The following AUTS2 variants were observed in gnomAD, a reference collection of about 807,000 sequenced individuals.
The protein encoded by AUTS2 is autism susceptibility gene 2 protein.
Under a neutral mutation model 112.4 loss-of-function variants are expected in AUTS2, and 17 were observed. That is an observed-to-expected ratio of 0.15 (90% confidence interval 0.10 to 0.23). The LOEUF is 0.23. AUTS2 is among the 10% of genes least tolerant of loss of function. The pLI is 1.00. For synonymous variants in AUTS2, 751 were observed against 702.7 expected, an observed-to-expected ratio of 1.07 and a Z score of -1.09; for missense variants, 1,510 against 1,701.6, an observed-to-expected ratio of 0.89 and a Z score of 1.98.
chr7:70,531,083 C>T (rs1279228909), intron 5 of AUTS2, among the ~76,000 whole-genome samples: 2 of 60,962 alleles, frequency 3.3e-5, no homozygotes, highest in East Asian at 5.5e-4. Context: ...GTGATACAGC[C>T]CTTTAGAGAA....
At chr7:70,600,060 AG>A (rs1803398716) in intron 5 of AUTS2, among the ~76,000 whole-genome samples, 1 of 152,200 alleles carries the variant, frequency 6.6e-6, no homozygotes, top group Admixed American at 6.5e-5. Context: ...ATCAGAAACT[AG>A]GGTGGGGCTC....
chr7:69,962,595 A>T (rs752966934), intron 2 of AUTS2, among the ~76,000 whole-genome samples: 10 of 152,074 alleles, frequency 6.6e-5, no homozygotes, highest in Non-Finnish European at 1.5e-4. Context: ...TAAACGTCTG[A>T]GTTGTTTCAT....
rs1222832767 is a variant in AUTS2, at chr7:70,694,947, T to C, written c.691-3622T>C. ...GTTTTCTCTTCGTGTGTTTTGGTGG[T>C]TTCCCCCCTGGTCTTTGACGATCGC... On this transcript the variant is annotated intron_variant, in intron 5 of 18. Transcript: ENST00000342771. This position sits in a 1 kb window ranked among gnomAD's most constrained non-coding sequence, Gnocchi z 4.1. The C allele has an allele frequency of 6.6e-6, 1 of 152,316 alleles. No homozygotes were observed. The highest frequency in any genetic ancestry group is 1.5e-5 in the Non-Finnish European group (1 of 68,256). 9.4% of individuals were successfully genotyped at this position (152,316 alleles called of 1,614,324 possible).
At chr7:69,812,289 A>G (rs1790577206) in intron 1 of AUTS2, among the ~76,000 whole-genome samples, 1 of 152,158 alleles carries the variant, frequency 6.6e-6, no homozygotes, top group African/African-American at 2.4e-5. Context: ...AAAAAAAGAC[A>G]CCAGCAAAAA....
chr7:70,538,568 C>T (rs1800419620), intron 5 of AUTS2, among the ~76,000 whole-genome samples: 1 of 152,158 alleles, frequency 6.6e-6, no homozygotes, highest in African/African-American at 2.4e-5. Context: ...GAAACATCTG[C>T]TCCTTAAAGC....
intron 1 of AUTS2, among the ~76,000 whole-genome samples, chr7:69,795,959 G>T (rs1399802737): frequency 6.6e-6 from 1 of 152,138 alleles, no homozygotes; most frequent in African/African-American, 2.4e-5. Context: ...GTGGAGCTTG[G>T]GTTCATGCAC....
At chr7:69,918,427 G>A (rs1445750837) in intron 2 of AUTS2, among the ~76,000 whole-genome samples, 2 of 152,132 alleles carry the variant, frequency 1.3e-5, no homozygotes, top group African/African-American at 2.4e-5. Context: ...GAACCCTTTG[G>A]AGTCTTTTCA....
chr7:69,872,950 C>G (rs1036701036), intron 1 of AUTS2, among the ~76,000 whole-genome samples: 1 of 141,204 alleles, frequency 7.1e-6, no homozygotes, highest in African/African-American at 2.6e-5. Context: ...TCAAGCGATT[C>G]TCCTGCCTCA....
intron 4 of AUTS2, among the ~76,000 whole-genome samples, chr7:70,158,014 C>A (rs1807875831): frequency 6.6e-6 from 1 of 152,114 alleles, no homozygotes; most frequent in Non-Finnish European, 1.5e-5. Flanking sequence ...GGAGGTTAAC[C>A]TGATTTATGT....
At chr7:70,154,516 C>G (rs1263936608) in intron 4 of AUTS2, among the ~76,000 whole-genome samples, 1 of 152,076 alleles carries the variant, frequency 6.6e-6, no homozygotes, top group African/African-American at 2.4e-5. Flanking sequence ...TTTAAGGAGA[C>G]AGGGAAACAA....
intron 1 of AUTS2, among the ~76,000 whole-genome samples, chr7:69,734,915 A>G (rs769444995): frequency 5.3e-5 from 8 of 152,106 alleles, no homozygotes; most frequent in Non-Finnish European, 8.8e-5. Context: ...AATGTAAACC[A>G]TATGGGACAT....
At chr7:70,607,292 T>C (rs1025741897) in intron 5 of AUTS2, among the ~76,000 whole-genome samples, 5 of 152,136 alleles carry the variant, frequency 3.3e-5, no homozygotes, top group Non-Finnish European at 7.3e-5. Context: ...CTTTTTAAAA[T>C]AAGTATGCCT....
intron 5 of AUTS2, among the ~76,000 whole-genome samples, chr7:70,573,452 TTA>T (rs2129526111): frequency 6.6e-6 from 1 of 152,322 alleles, no homozygotes; most frequent in South Asian, 2.1e-4. Flanking sequence ...TCCAGAGGAA[TTA>T]TGTGTGCTAA....
At chr7:70,348,656 A>C (rs1217131402) in intron 4 of AUTS2, among the ~76,000 whole-genome samples, 1 of 152,112 alleles carries the variant, frequency 6.6e-6, no homozygotes, top group African/African-American at 2.4e-5. Context: ...ATACAAAAAA[A>C]AAAATTAGCC....
chr7:70,672,100 T>G (rs188845987), intron 5 of AUTS2, among the ~76,000 whole-genome samples: 25 of 152,246 alleles, frequency 1.6e-4, no homozygotes, highest in African/African-American at 5.5e-4. Context: ...CCCAATGAGG[T>G]CATCTGTAGA....
intron 6 of AUTS2, among the ~76,000 whole-genome samples, chr7:70,725,577 A>C (rs1256515297): frequency 6.6e-6 from 1 of 152,252 alleles, no homozygotes; most frequent in Non-Finnish European, 1.5e-5. Flanking sequence ...ATGGGAAAGC[A>C]GTGGCATTCC....
chr7:70,515,697 C>T (rs1490055892), intron 5 of AUTS2, among the ~76,000 whole-genome samples: 1 of 151,952 alleles, frequency 6.6e-6, no homozygotes, highest in Admixed American at 6.6e-5. Flanking sequence ...CTGACTCTCC[C>T]TCTCTCTCTC....
In AUTS2 at chr7:70,764,872, A is replaced by AAC; in HGVS notation, c.1335_1336insAC (p.Pro446ThrfsTer28). 7.8e-7 allele frequency: 1 copy of AAC among 1,280,486 alleles called. No individual in the cohort carries two copies. Among genetic ancestry groups the AAC allele is most frequent in the African/African-American group, 2.4e-5 (1 of 41,022 alleles). 79.3% of individuals were successfully genotyped at this position (1,280,486 alleles called of 1,614,324 possible). A position where few individuals can be genotyped will look rare whatever the true frequency, so the allele number is the denominator to read the frequency against. ...ACCACAGCCCCCTGCACAGCTTCAC[A>AAC]CCCACCCTCCAGCCCCCCGCACACT... On this transcript the variant is annotated frameshift_variant, in exon 8 of 19. Coordinates refer to ENST00000342771, the MANE Select transcript of AUTS2 (RefSeq NM_015570.4). LOFTEE classifies it high-confidence loss of function.
rs146515516 is a variant in AUTS2 at position 69,999,586 on chromosome 7, T to C, written c.522+100088T>C. Among the ~76,000 whole-genome samples, 203 of 152,306 alleles carry C rather than the reference T, an allele frequency of 1.3e-3. 2 individuals are homozygous for C. Among genetic ancestry groups the C allele is most frequent in the African/African-American group, 4.7e-3 (195 of 41,572 alleles). On this transcript the variant is annotated intron_variant, in intron 2 of 18. Coordinates refer to ENST00000342771, the MANE Select transcript of AUTS2 (RefSeq NM_015570.4). ...TTGTAAGTGTTGTTTGAGAGCACAG[T>C]GATGACCACTTAATTCCTTTCCTGG...
Sources: allele counts gnomAD v4.1 joint callset (sites outside exome capture counted in the v4.1 genomes callset), GRCh38; gene constraint gnomAD v4.1.1; non-coding constraint Gnocchi (gnomAD v3.1); transcripts MANE v1.5; gene names NCBI Gene and HGNC (gene_info 2026-07-23, HGNC 2026-07-21).